Variants in KHDRBS1 observed in about 807,000 individuals in gnomAD.
KHDRBS1 encodes the protein KH domain-containing, RNA-binding, signal transduction-associated protein 1.
In KHDRBS1, 7 loss-of-function variants were observed where a neutral mutation model predicts 48.4. The ratio of observed to expected loss-of-function variants is 0.14; its 90% confidence interval spans 0.08 to 0.27. The LOEUF is 0.27. Ranked by LOEUF, KHDRBS1 falls within the 10% of genes least tolerant of loss-of-function variation. The pLI is 1.00. For missense variants in KHDRBS1, 458 were observed against 601.2 expected (o/e 0.76, Z 2.49); for synonymous variants, 241 against 235.8 (o/e 1.02, Z -0.20).
At chr1:32,058,269 G>GT (rs1418176780) in intron 10 of KHDRBS1, among the ~76,000 whole-genome samples, 1 of 151,944 alleles carries the variant, frequency 6.6e-6, no homozygotes, top group Non-Finnish European at 1.5e-5. Context: ...TTTATTTTTT[G>GT]TAGAGACAAG....
chr1:32,022,479 G>A (rs912442131), intron 1 of KHDRBS1, among the ~76,000 whole-genome samples: 1 of 152,166 alleles, frequency 6.6e-6, no homozygotes, highest in Non-Finnish European at 1.5e-5. Flanking sequence ...CTAGAGGAGG[G>A]TATGAAATGA....
intron 1 of KHDRBS1, among the ~76,000 whole-genome samples, chr1:32,016,186 GAAAAAA>G (rs576956025): frequency 2.4e-5 from 2 of 84,814 alleles, no homozygotes; most frequent in African/African-American, 8.1e-5. Context: ...CTCAAAAAAG[GAAAAAA>G]AAAAAAAAAA....
At chr1:32,035,915 CACTT>C (rs1639168242) in intron 4 of KHDRBS1, among the ~76,000 whole-genome samples, 1 of 152,090 alleles carries the variant, frequency 6.6e-6, no homozygotes, top group Non-Finnish European at 1.5e-5. Context: ...TTTCAAGAGA[CACTT>C]ATTTAGGCAA....
chr1:32,056,426 G>A (rs547497285), intron 10 of KHDRBS1, among the ~76,000 whole-genome samples: 16 of 152,172 alleles, frequency 1.1e-4, no homozygotes, highest in Non-Finnish European at 2.2e-4. Context: ...AGAAATTTGG[G>A]TACTATTTCT....
chr1:32,024,645 CTTG>C (rs1204939237), intron 1 of KHDRBS1, among the ~76,000 whole-genome samples: 1 of 151,958 alleles, frequency 6.6e-6, no homozygotes, highest in African/African-American at 2.4e-5. Flanking sequence ...GTTTTTAATT[CTTG>C]TTCTGTTACT....
chr1:32,020,615 A>AT (rs1638838703), intron 1 of KHDRBS1, among the ~76,000 whole-genome samples: 1 of 148,210 alleles, frequency 6.7e-6, no homozygotes, highest in African/African-American at 2.6e-5. Flanking sequence ...GTACTGTGCA[A>AT]TAAAAAAAAA....
downstream of KHDRBS1, among the ~76,000 whole-genome samples, chr1:32,048,864 C>G (rs1639384888): frequency 6.6e-6 from 1 of 151,948 alleles, no homozygotes; most frequent in South Asian, 2.1e-4. Context: ...TTCCACCAAT[C>G]TATTTATTCC....
chr1:32,029,455 C>G (rs1487699607), intron 1 of KHDRBS1, among the ~76,000 whole-genome samples: 4 of 152,016 alleles, frequency 2.6e-5, no homozygotes, highest in Non-Finnish European at 4.4e-5. Flanking sequence ...GTCGGGAGTT[C>G]GAGACCAGCC....
chr1:32,057,575 C>T (rs1231927658), intron 10 of KHDRBS1, among the ~76,000 whole-genome samples: 5 of 149,092 alleles, frequency 3.4e-5, no homozygotes, highest in Admixed American at 6.7e-5. Flanking sequence ...CTGAGGCGGG[C>T]GGATCACGAG....
chr1:32,019,095 C>T (rs1429573488), intron 1 of KHDRBS1, among the ~76,000 whole-genome samples: 1 of 151,636 alleles, frequency 6.6e-6, no homozygotes, highest in Non-Finnish European at 1.5e-5. Flanking sequence ...GAGACTCTGT[C>T]TTAAAAAACA....
rs1207170438 is a variant in KHDRBS1, at chr1:32,013,877, G to C, written c.-119G>C. 6 of 968,910 alleles carry C rather than the reference G, an allele frequency of 6.2e-6. No individual in the cohort carries two copies. The highest frequency in any genetic ancestry group is 8.2e-6 in the Non-Finnish European group (6 of 728,694). The allele number at this position is 968,910 out of a possible 1,614,324, so 60.0% of individuals were successfully genotyped here. A position where few individuals can be genotyped will look rare whatever the true frequency, so the allele number is the denominator to read the frequency against. On this transcript the variant is annotated 5_prime_UTR_variant, in exon 1 of 9. Coordinates refer to ENST00000327300, the MANE Select transcript of KHDRBS1 (RefSeq NM_006559.3). ...TCATTTCCGGTGCTCTCTCTCGCTG[G>C]GTCGCTCGGGTCGGCTTCGGTCGCT...
chr1:32,055,931 A>G (rs376605468), intron 10 of KHDRBS1, among the ~76,000 whole-genome samples: 1 of 152,124 alleles, frequency 6.6e-6, no homozygotes, highest in African/African-American at 2.4e-5. Flanking sequence ...CTGAGGATGC[A>G]GTCTCATCTA....
At chr1:32,023,695 T>C (rs572573391) in intron 1 of KHDRBS1, among the ~76,000 whole-genome samples, 1 of 152,310 alleles carries the variant, frequency 6.6e-6, no homozygotes, top group East Asian at 1.9e-4. Flanking sequence ...TGTCTTCCCA[T>C]TTCAGTCTAC....
At chr1:32,029,000 C>G (rs1639030364) in intron 1 of KHDRBS1, among the ~76,000 whole-genome samples, 1 of 152,150 alleles carries the variant, frequency 6.6e-6, no homozygotes, top group African/African-American at 2.4e-5. Flanking sequence ...ATTGTATCTC[C>G]TGTGCTTTGC....
intron 8 of KHDRBS1, among the ~76,000 whole-genome samples, chr1:32,041,185 A>G (rs569768017): frequency 6.6e-6 from 1 of 152,290 alleles, no homozygotes; most frequent in East Asian, 1.9e-4. Flanking sequence ...GTCCAGGATG[A>G]TCTGTATACG....
chr1:32,026,691 A>G (rs543186272), intron 1 of KHDRBS1, among the ~76,000 whole-genome samples: 1 of 152,326 alleles, frequency 6.6e-6, no homozygotes, highest in South Asian at 2.1e-4. Context: ...GCACTGACCA[A>G]GGTTTCTGGA....
chr1:32,014,534 C>A (rs1371838947), intron 1 of KHDRBS1, among the ~76,000 whole-genome samples, 157 bp downstream of exon 1: 1 of 152,246 alleles, frequency 6.6e-6, no homozygotes, highest in Non-Finnish European at 1.5e-5. Context: ...ACATTCCCAC[C>A]TCAGCCCGGA....
At position 32,033,177 on chromosome 1, in the gene KHDRBS1, T is replaced by TAA. The variant is rs1287279529; in HGVS notation, c.625-11_625-10insAA. 1 of 1,610,982 alleles carries TAA rather than the reference T, an allele frequency of 6.2e-7. No homozygotes were observed. Among genetic ancestry groups the TAA allele is most frequent in the South Asian group, 1.1e-5 (1 of 90,996 alleles). On this transcript the variant is annotated splice_polypyrimidine_tract_variant and intron_variant, in intron 3 of 8. Coordinates refer to ENST00000327300, the MANE Select transcript of KHDRBS1 (RefSeq NM_006559.3). ...GTCCATGGTGTGACATTTCTCTGCA[T>TAA]TTTTCCATAGGAGGAAGAGCTGCGC...
At chr1:32,048,225 T>G (rs1183245048), downstream of KHDRBS1, among the ~76,000 whole-genome samples, 1 of 152,178 alleles carries the variant, frequency 6.6e-6, no homozygotes, top group Middle Eastern at 3.2e-3. Flanking sequence ...AAAATTTTCT[T>G]GGCTGCGCAT....
Sources: gnomAD v4.1 joint callset for allele counts (sites outside exome capture counted in the v4.1 genomes callset) on GRCh38, gnomAD v4.1.1 for gene constraint, MANE v1.5 for transcripts, NCBI Gene and HGNC (gene_info 2026-07-23, HGNC 2026-07-21) for gene names.